SPAG16: variants seen among roughly 807,000 people sequenced by gnomAD.
The protein encoded by SPAG16 is sperm-associated antigen 16 protein.
In SPAG16, 86 loss-of-function variants were observed where a neutral mutation model predicts 80.4. The observed-to-expected ratio is 1.07, with a 90% CI of 0.90 to 1.28. The LOEUF (loss-of-function observed/expected upper bound fraction) is 1.28, where lower values mean the gene tolerates loss of function less well. SPAG16 is among the 50% of genes most tolerant of loss of function. The pLI, the probability that SPAG16 is intolerant of heterozygous loss-of-function variation, is 0.00. For missense variants in SPAG16, 870 were observed against 765.3 expected (o/e 1.14, Z -1.61); for synonymous variants, 294 against 265.9 (o/e 1.11, Z -1.03).
chr2:214,261,450 AG>A (rs1691170291), intron 15 of SPAG16, among the ~76,000 whole-genome samples: 1 of 152,178 alleles, frequency 6.6e-6, no homozygotes, highest in African/African-American at 2.4e-5. Context: ...CTCAGGATTT[AG>A]ACTTCTGAAA....
At chr2:213,438,626 C>T (rs2070768872) in intron 9 of SPAG16, among the ~76,000 whole-genome samples, 1 of 152,184 alleles carries the variant, frequency 6.6e-6, no homozygotes, top group Admixed American at 6.5e-5. Context: ...CAATAACTCA[C>T]GTCCTTATAC....
chr2:213,929,839 C>A, intron 11 of SPAG16, 121 bp from the exon 12 acceptor site: 1 of 787,646 alleles, frequency 1.3e-6, no homozygotes, highest in Non-Finnish European at 2.0e-6. Flanking sequence ...TTTAGATATG[C>A]CACTACAAGT....
chr2:214,164,477 A>T (rs1262533402), intron 15 of SPAG16, among the ~76,000 whole-genome samples: 2 of 152,118 alleles, frequency 1.3e-5, no homozygotes, highest in Admixed American at 6.6e-5. Flanking sequence ...CAAAAGATTT[A>T]AATCTAAATT....
chr2:213,868,623 T>C (rs1490353450), intron 11 of SPAG16, among the ~76,000 whole-genome samples: 2 of 152,220 alleles, frequency 1.3e-5, no homozygotes, highest in Non-Finnish European at 2.9e-5. Flanking sequence ...AGTTGCATTT[T>C]CTTCTGTATG....
In SPAG16 at chr2:213,371,261, T is replaced by G. The variant is rs903184075; in HGVS notation, c.833-3749T>G. Among the ~76,000 whole-genome samples, 13 of 151,870 alleles carry G rather than the reference T, an allele frequency of 8.6e-5. No individual in the cohort carries two copies. The East Asian group carries it at 2.5e-3, about 29-fold the overall frequency. ...GTCTACTAAAAATACAAAAATTAGC[T>G]AGGCATGATGGTGCGTGCCTGTAAT... On this transcript the variant is annotated intron_variant, in intron 8 of 15. Transcript: ENST00000331683.
chr2:213,489,055 A>G (rs566794828), intron 9 of SPAG16, among the ~76,000 whole-genome samples: 8 of 151,626 alleles, frequency 5.3e-5, no homozygotes, highest in East Asian at 1.9e-4. Flanking sequence ...ATCCTGGGCA[A>G]CAAAGCGAGA....
intron 13 of SPAG16, among the ~76,000 whole-genome samples, chr2:214,095,944 T>C (rs1255755367): frequency 6.6e-6 from 1 of 151,956 alleles, no homozygotes. Context: ...ATAATAATAG[T>C]ATATATATCC....
At chr2:213,623,440 G>A (rs539250230) in intron 10 of SPAG16, among the ~76,000 whole-genome samples, 2 of 151,978 alleles carry the variant, frequency 1.3e-5, no homozygotes. Context: ...TCCACCTTTA[G>A]GTTTACCTGA....
At chr2:213,793,268 CT>C (rs2070818312) in intron 10 of SPAG16, among the ~76,000 whole-genome samples, 1 of 151,910 alleles carries the variant, frequency 6.6e-6, no homozygotes, top group South Asian at 2.1e-4. Flanking sequence ...TAGATTCTTA[CT>C]GTCAATATTT....
At chr2:214,003,788 A>G (rs1237574518) in intron 12 of SPAG16, among the ~76,000 whole-genome samples, 1 of 152,234 alleles carries the variant, frequency 6.6e-6, no homozygotes, top group African/African-American at 2.4e-5. Context: ...CACATAGACA[A>G]CAGCACTATC....
intron 15 of SPAG16, among the ~76,000 whole-genome samples, chr2:214,257,763 A>G (rs889158293): frequency 4.6e-5 from 7 of 152,116 alleles, no homozygotes; most frequent in African/African-American, 1.7e-4. Context: ...AGGGATATAA[A>G]GGACATTAAT....
intron 10 of SPAG16, among the ~76,000 whole-genome samples, chr2:213,540,264 A>G (rs1350884832): frequency 6.6e-6 from 1 of 151,478 alleles, no homozygotes; most frequent in Non-Finnish European, 1.5e-5. Context: ...GTTAGCCAGG[A>G]TGGTCTCCAT....
intron 13 of SPAG16, among the ~76,000 whole-genome samples, chr2:214,083,659 C>G (rs187638013): frequency 6.6e-6 from 1 of 152,052 alleles, no homozygotes; most frequent in African/African-American, 2.4e-5. Flanking sequence ...GGGGATCTGT[C>G]CCCCAACAAC....
At chr2:213,295,872 G>T (rs756455105) in intron 1 of SPAG16, among the ~76,000 whole-genome samples, 192 bp from the exon 2 acceptor site, 2 of 152,028 alleles carry the variant, frequency 1.3e-5, no homozygotes, top group Non-Finnish European at 2.9e-5. Context: ...AAATAATGAA[G>T]TATTTTATTT....
intron 10 of SPAG16, among the ~76,000 whole-genome samples, chr2:213,616,577 C>G (rs982801499): frequency 1.3e-5 from 2 of 152,154 alleles, no homozygotes; most frequent in African/African-American, 4.8e-5. Flanking sequence ...TACTTTTTCT[C>G]AAAATATGAT....
intron 15 of SPAG16, among the ~76,000 whole-genome samples, chr2:214,278,383 A>T (rs969660535): frequency 2.0e-5 from 3 of 152,176 alleles, no homozygotes; most frequent in Admixed American, 1.3e-4. Flanking sequence ...TGGAGAAATC[A>T]CACATCTTCT....
At position 214,012,282 on chromosome 2, in the gene SPAG16, A is replaced by ATTTTTTTT. The variant is rs1286363943; in HGVS notation, c.1401-1668_1401-1667insTTTTTTTT. Reference sequence around the variant, plus strand: ...TACATATATATATATATATATATATATATATATTTTTTTTTTTTTTTTTTT... The same window carrying ATTTTTTTT: ...TACATATATATATATATATATATATATTTTTTTTTATATATTTTTTTTTTTTTTTTTTT... On this transcript the variant is annotated intron_variant, in intron 12 of 15. Transcript: ENST00000331683. 5.9e-4 allele frequency among the ~76,000 whole-genome samples: 30 copies of ATTTTTTTT among 50,680 alleles called. 3 individuals carry two copies. The highest frequency in any genetic ancestry group is 0.016 in the Middle Eastern group (2 of 122). 33.2% of individuals were successfully genotyped at this position (50,680 alleles called of 152,430 possible).
At chr2:213,771,254 G>A (rs563027206) in intron 10 of SPAG16, among the ~76,000 whole-genome samples, 1 of 152,196 alleles carries the variant, frequency 6.6e-6, no homozygotes, top group African/African-American at 2.4e-5. Context: ...ATGCATGAAT[G>A]TCTTCTTTTG....
At chr2:213,814,336 T>G (rs1451733787) in intron 10 of SPAG16, among the ~76,000 whole-genome samples, 1 of 152,194 alleles carries the variant, frequency 6.6e-6, no homozygotes, top group Admixed American at 6.5e-5. Flanking sequence ...CTTTACTCAA[T>G]GTCTACCAAT....
Sources: allele counts gnomAD v4.1 joint callset (sites outside exome capture counted in the v4.1 genomes callset), GRCh38; gene constraint gnomAD v4.1.1; transcripts MANE v1.5; gene names NCBI Gene and HGNC (gene_info 2026-07-23, HGNC 2026-07-21).